The following ULK4 variants were observed in gnomAD, a reference collection of about 807,000 sequenced individuals.
ULK4 encodes unc-51 like kinase 4.
Under a neutral mutation model 160.6 loss-of-function variants are expected in ULK4, and 133 were observed. The ratio of observed to expected loss-of-function variants is 0.83; its 90% CI spans 0.72 to 0.96. ULK4 has a LOEUF of 0.96. Among genes scored for constraint, ULK4 ranks in the 40% least tolerant of loss-of-function variants. ULK4 has a pLI of 0.00. For synonymous variants in ULK4, 534 were observed against 539.8 expected (o/e 0.99, Z 0.15); for missense variants, 1,580 against 1,499.5 (o/e 1.05, Z -0.89).
At chr3:41,647,172 T>C (rs920116917) in intron 30 of ULK4, among the ~76,000 whole-genome samples, 4 of 152,242 alleles carry the variant, frequency 2.6e-5, no homozygotes, top group African/African-American at 9.6e-5. Flanking sequence ...TTTGATCGTC[T>C]GAAGCCTTCT....
chr3:41,572,564 T>G lies in ULK4; in HGVS notation c.3121-6434A>C, dbSNP rs1015729593. ...TCACAAGGTCAGGAGATTGAGACCA[T>G]CCTGGCTAACATGGTGAAACCCTGT... On this transcript the variant is annotated intron_variant, in intron 31 of 36. Transcript: ENST00000301831. 5.7e-4 allele frequency among the ~76,000 whole-genome samples: 85 copies of G among 150,382 alleles called. 1 individual carries two copies. Among genetic ancestry groups the G allele is most frequent in the Non-Finnish European group, 1.6e-4 (11 of 67,694 alleles).
At chr3:41,487,682 C>A (rs191792955) in intron 32 of ULK4, among the ~76,000 whole-genome samples, 360 of 152,200 alleles carry the variant, frequency 2.4e-3, no homozygotes, top group East Asian at 0.013. Context: ...TTCATAAAAA[C>A]AAATCCCAGC....
intron 29 of ULK4, among the ~76,000 whole-genome samples, chr3:41,679,063 T>A (rs966144568): frequency 1.3e-5 from 2 of 152,226 alleles, no homozygotes; most frequent in Non-Finnish European, 2.9e-5. Flanking sequence ...AATTTTTTTT[T>A]ACATCTATTG....
chr3:41,789,355 T>C (rs1167841944), intron 21 of ULK4, among the ~76,000 whole-genome samples: 1 of 152,054 alleles, frequency 6.6e-6, no homozygotes, highest in Non-Finnish European at 1.5e-5. Flanking sequence ...GAGAAAGAGA[T>C]GGAAGCTGGA....
intron 30 of ULK4, among the ~76,000 whole-genome samples, chr3:41,659,950 A>C (rs1337201071): frequency 2.0e-5 from 3 of 152,136 alleles, no homozygotes; most frequent in Non-Finnish European, 4.4e-5. Flanking sequence ...GTGAAAAAAA[A>C]ATCAAAGGGC....
rs61744388 is a variant in ULK4 at position 41,715,473 on chromosome 3, C to T, written c.2551G>A (p.Val851Ile). 0.18 allele frequency: 297,951 copies of T among 1,613,284 alleles called. 32,118 individuals are homozygous for T. The highest frequency in any genetic ancestry group is 0.5 in the African/African-American group (37,077 of 74,776). ...TGTGAAGTTACGAGGTGAAGCACTA[C>T]AGGCATCAGGGGGAGACACAACTTC... Reference protein sequence around the residue: ...QLKLCLPLMPVVLHLVTSQVF... With the variant: ...QLKLCLPLMPIVLHLVTSQVF... Residue 851 changes from valine to isoleucine, a missense_variant, in exon 24 of 37, where the codon GTA becomes ATA. By Grantham distance (29) the Val-to-Ile change is conservative. Coordinates refer to ENST00000301831, the MANE Select transcript of ULK4 (RefSeq NM_017886.4).
At chr3:41,765,532 T>C (rs1468120002) in intron 21 of ULK4, among the ~76,000 whole-genome samples, 2 of 152,036 alleles carry the variant, frequency 1.3e-5, no homozygotes, top group African/African-American at 2.4e-5. Flanking sequence ...GTTGTGCACA[T>C]GTACCCTAAA....
At position 41,735,525 on chromosome 3, in the gene ULK4, T is replaced by C. The variant is rs1030272868; in HGVS notation, c.2322-17664A>G. 2.6e-5 allele frequency among the ~76,000 whole-genome samples: 4 copies of C among 152,042 alleles called. No homozygotes were observed. The South Asian group carries it at 8.3e-4, about 32-fold the overall frequency. Reference sequence around the variant, plus strand: ...CCTATTTCTACTTCAGATATTCTCATGTGCAGTATATTACTGGAATAACAT... The same window carrying C: ...CCTATTTCTACTTCAGATATTCTCACGTGCAGTATATTACTGGAATAACAT... On this transcript the variant is annotated intron_variant, in intron 22 of 36. Coordinates refer to ENST00000301831, the MANE Select transcript of ULK4 (RefSeq NM_017886.4).
chr3:41,649,043 G>A (rs1274586249), intron 30 of ULK4, among the ~76,000 whole-genome samples: 2 of 151,768 alleles, frequency 1.3e-5, no homozygotes, highest in African/African-American at 4.8e-5. Context: ...CAGGCGGGTT[G>A]TTTGAGCCCA....
intron 17 of ULK4, among the ~76,000 whole-genome samples, chr3:41,858,045 T>C (rs1210444271): frequency 6.6e-6 from 1 of 152,002 alleles, no homozygotes; most frequent in Non-Finnish European, 1.5e-5. Flanking sequence ...CATTGTTAGA[T>C]TGTTCATTTG....
intron 34 of ULK4, among the ~76,000 whole-genome samples, chr3:41,416,260 A>G (rs1042678230): frequency 2.0e-5 from 3 of 152,204 alleles, no homozygotes; most frequent in Non-Finnish European, 4.4e-5. Flanking sequence ...TAAAGATTTA[A>G]TATCAGTTTC....
chr3:41,757,036 C>A (rs190678941), intron 21 of ULK4, among the ~76,000 whole-genome samples: 30 of 142,004 alleles, frequency 2.1e-4, no homozygotes, highest in Admixed American at 2.0e-3. Context: ...AAATAGAACA[C>A]TATAAAGAAA....
At chr3:41,947,184 G>A (rs978615429) in intron 2 of ULK4, among the ~76,000 whole-genome samples, 1 of 152,082 alleles carries the variant, frequency 6.6e-6, no homozygotes, top group Non-Finnish European at 1.5e-5. Flanking sequence ...AAAATTAGCC[G>A]GGCATAGTCC....
chr3:41,708,928 T>A (rs1288864152), intron 25 of ULK4, among the ~76,000 whole-genome samples: 1 of 152,212 alleles, frequency 6.6e-6, no homozygotes, highest in African/African-American at 2.4e-5. Context: ...TATAGGAAAA[T>A]ACTTAAATGC....
intron 22 of ULK4, among the ~76,000 whole-genome samples, chr3:41,721,360 ATAT>A (rs1334594292): frequency 5.9e-3 from 304 of 51,480 alleles, no homozygotes; most frequent in Non-Finnish European, 6.7e-3. Context: ...ATATATATAT[ATAT>A]TTTTTTTTTT....
chr3:41,930,096 G>A (rs1038425445), intron 5 of ULK4, among the ~76,000 whole-genome samples: 5 of 152,032 alleles, frequency 3.3e-5, no homozygotes, highest in African/African-American at 1.2e-4. Flanking sequence ...TATACTACAA[G>A]GCCACAGTAA....
At chr3:41,837,488 CTATA>C (rs1042901869) in intron 17 of ULK4, among the ~76,000 whole-genome samples, 4 of 151,876 alleles carry the variant, frequency 2.6e-5, no homozygotes, top group Non-Finnish European at 5.9e-5. Context: ...AGATCATACA[CTATA>C]TATTCTTTTT....
chr3:41,640,562 T>A (rs1310659268), intron 30 of ULK4, among the ~76,000 whole-genome samples: 1 of 152,056 alleles, frequency 6.6e-6, no homozygotes, highest in South Asian at 2.1e-4. Context: ...TGCCCACCCC[T>A]CCTGAGCTCT....
intron 29 of ULK4, among the ~76,000 whole-genome samples, chr3:41,672,538 C>T (rs910344500): frequency 1.3e-5 from 2 of 152,008 alleles, no homozygotes; most frequent in African/African-American, 4.8e-5. Flanking sequence ...ATTCCAGACA[C>T]TAGGGAGGAT....
Sources: allele counts gnomAD v4.1 joint callset (sites outside exome capture counted in the v4.1 genomes callset), GRCh38; gene constraint gnomAD v4.1.1; transcripts MANE v1.5; gene names NCBI Gene and HGNC (gene_info 2026-07-23, HGNC 2026-07-21).